CASP9: variants seen among roughly 807,000 people sequenced by gnomAD.
CASP9 encodes the protein caspase-9.
In CASP9, 29 loss-of-function variants were observed where a neutral mutation model predicts 43.5. That is an observed-to-expected ratio of 0.67 (90% CI 0.50 to 0.91). The LOEUF (loss-of-function observed/expected upper bound fraction) is 0.91, where lower values mean the gene tolerates loss of function less well. CASP9 is among the 40% of genes least tolerant of loss of function. CASP9 has a pLI of 0.00. For missense variants in CASP9, 575 were observed against 537.4 expected, an observed-to-expected ratio of 1.07 and a Z score of -0.69; for synonymous variants, 206 against 211.9, an observed-to-expected ratio of 0.97 and a Z score of 0.24.
At chr1:15,502,013 C>A (rs1709349549) in intron 6 of CASP9, among the ~76,000 whole-genome samples, 1 of 152,152 alleles carries the variant, frequency 6.6e-6, no homozygotes, top group Non-Finnish European at 1.5e-5. Flanking sequence ...GCCTCCCAAA[C>A]TGTTGGGATT....
At position 15,505,382 on chromosome 1, in the gene CASP9, G is replaced by T. The variant is rs4646046; in HGVS notation, c.720+608C>A. Among the ~76,000 whole-genome samples the T allele has an allele frequency of 3.9e-5, 6 of 152,278 alleles. No homozygotes were observed. The East Asian group carries it at 7.7e-4, about 20-fold the overall frequency. On this transcript the variant is annotated intron_variant, in intron 5 of 8. Coordinates refer to ENST00000333868, the MANE Select transcript of CASP9 (RefSeq NM_001229.5). Reference sequence around the variant, plus strand: ...TTTACTGGCTGAAGATGCTGGCCTCGTCAGGCCAGACCTTTGCGGTTTGTC... The same window carrying T: ...TTTACTGGCTGAAGATGCTGGCCTCTTCAGGCCAGACCTTTGCGGTTTGTC...
At chr1:15,510,260 A>G (rs1709706255) in intron 2 of CASP9, among the ~76,000 whole-genome samples, 1 of 152,182 alleles carries the variant, frequency 6.6e-6, no homozygotes, top group African/African-American at 2.4e-5. Context: ...CAAGGAGAAT[A>G]CAGTGGCCAC....
At chr1:15,522,545 CA>C (rs57491775) in intron 1 of CASP9, among the ~76,000 whole-genome samples, 1 of 149,566 alleles carries the variant, frequency 6.7e-6, no homozygotes, top group Non-Finnish European at 1.5e-5. Flanking sequence ...CCTATCTGTA[CA>C]AAAAAAAAAT....
chr1:15,510,965 G>T (rs779317531), intron 2 of CASP9, among the ~76,000 whole-genome samples: 2 of 152,160 alleles, frequency 1.3e-5, no homozygotes, highest in Non-Finnish European at 2.9e-5. Context: ...ACCTATGCTG[G>T]AATCACCCCA....
intron 1 of CASP9, among the ~76,000 whole-genome samples, chr1:15,520,484 T>C (rs958750154): frequency 5.5e-4 from 84 of 152,218 alleles, no homozygotes; most frequent in Non-Finnish European, 1.3e-4. Context: ...ATTGCTAATA[T>C]AACTTAGGAA....
chr1:15,512,043 G>A (rs1267421555), intron 2 of CASP9, among the ~76,000 whole-genome samples: 2 of 152,186 alleles, frequency 1.3e-5, no homozygotes, highest in Non-Finnish European at 2.9e-5. Flanking sequence ...AGAAGTACTG[G>A]CACACATCCC....
At chr1:15,501,622 G>A (rs1297610220) in intron 6 of CASP9, among the ~76,000 whole-genome samples, 1 of 152,198 alleles carries the variant, frequency 6.6e-6, no homozygotes, top group Non-Finnish European at 1.5e-5. Flanking sequence ...ACCAGGTCAC[G>A]CAGCCTGCGG....
At chr1:15,494,745 C>G (rs1286747501) in intron 7 of CASP9, among the ~76,000 whole-genome samples, 1 of 150,534 alleles carries the variant, frequency 6.6e-6, no homozygotes, top group Admixed American at 6.6e-5. Flanking sequence ...TGCTTGTAGT[C>G]CCAGCTACTT....
intron 1 of CASP9, among the ~76,000 whole-genome samples, chr1:15,520,875 T>C: frequency 6.7e-6 from 1 of 149,572 alleles, no homozygotes; most frequent in East Asian, 2.0e-4. Context: ...GCTTGAACCC[T>C]GGCTGGGCGC....
intron 1 of CASP9, among the ~76,000 whole-genome samples, chr1:15,522,286 T>C (rs1304891386): frequency 1.3e-5 from 2 of 152,252 alleles, no homozygotes; most frequent in Non-Finnish European, 2.9e-5. Flanking sequence ...AAAACCTGCC[T>C]GTTTTTCAGC....
At chr1:15,514,845 A>C (rs943578909) in intron 2 of CASP9, among the ~76,000 whole-genome samples, 5 of 152,068 alleles carry the variant, frequency 3.3e-5, no homozygotes, top group African/African-American at 1.2e-4. Context: ...GTCTCTATCA[A>C]AAAATACAAA....
chr1:15,497,121 C>T (rs1284637979), intron 6 of CASP9, among the ~76,000 whole-genome samples: 1 of 150,578 alleles, frequency 6.6e-6, no homozygotes, highest in Non-Finnish European at 1.5e-5. Context: ...ACAAGCCTGG[C>T]CAACATGGTA....
intron 2 of CASP9, among the ~76,000 whole-genome samples, chr1:15,511,714 C>A (rs1336892937): frequency 3.3e-5 from 5 of 152,180 alleles, no homozygotes; most frequent in Non-Finnish European, 7.3e-5. Context: ...TACCTAGATA[C>A]CTTTATCAAT....
intron 6 of CASP9, among the ~76,000 whole-genome samples, chr1:15,500,619 C>A (rs1406562115): frequency 6.6e-6 from 1 of 152,190 alleles, no homozygotes; most frequent in East Asian, 1.9e-4. Context: ...CCTCTTTGAT[C>A]TGTGACAGCC....
chr1:15,521,156 CAAAAAAA>C (rs34870949), intron 1 of CASP9, among the ~76,000 whole-genome samples: 3 of 81,228 alleles, frequency 3.7e-5, no homozygotes, highest in Admixed American at 1.3e-4. Flanking sequence ...GACTCCGTCT[CAAAAAAA>C]AAAAAAAAAA....
chr1:15,516,767 GC>G (rs1709967077), intron 2 of CASP9, among the ~76,000 whole-genome samples: 1 of 152,218 alleles, frequency 6.6e-6, no homozygotes, highest in African/African-American at 2.4e-5. Context: ...AAGGCTAACT[GC>G]AGAAACAACA....
chr1:15,492,840 G>A lies in CASP9; in HGVS notation c.*103C>T. The A allele has an allele frequency of 6.7e-7, 1 of 1,496,990 alleles. No individual in the cohort carries two copies. The highest frequency in any genetic ancestry group is 2.1e-5 in the Admixed American group (1 of 48,340). The allele number at this position is 1,496,990 out of a possible 1,614,324, so 92.7% of individuals were successfully genotyped here. On this transcript the variant is annotated 3_prime_UTR_variant, in exon 9 of 9. Transcript: ENST00000333868. ...AGAAAGAGCAGACCCTGTGCCGGCTGCAAAGTCCTTGAGTTGCAGGAAAGT... is the reference window on the plus strand; with the variant it reads ...AGAAAGAGCAGACCCTGTGCCGGCTACAAAGTCCTTGAGTTGCAGGAAAGT...
intron 6 of CASP9, among the ~76,000 whole-genome samples, chr1:15,501,605 G>A (rs1002029603): frequency 7.2e-5 from 11 of 152,160 alleles, no homozygotes; most frequent in Non-Finnish European, 1.6e-4. Context: ...TGGTAACTGC[G>A]TTAAGCACCA....
At chr1:15,511,652 T>C (rs1709760469) in intron 2 of CASP9, among the ~76,000 whole-genome samples, 1 of 152,142 alleles carries the variant, frequency 6.6e-6, no homozygotes, top group Non-Finnish European at 1.5e-5. Context: ...GATCCATCCG[T>C]CTTGGCCTCC....
Sources: gnomAD v4.1 joint callset for allele counts (sites outside exome capture counted in the v4.1 genomes callset) on GRCh38, gnomAD v4.1.1 for gene constraint, MANE v1.5 for transcripts, NCBI Gene and HGNC (gene_info 2026-07-23, HGNC 2026-07-21) for gene names.